Variants in NRXN3 observed in about 807,000 individuals in gnomAD.
NRXN3 encodes the protein neurexin 3, also known as neurexin III.
A neutral mutation model predicts 137.6 loss-of-function variants in NRXN3; 32 were observed. The ratio of observed to expected loss-of-function variants is 0.23; its 90% CI spans 0.18 to 0.31. NRXN3 has a LOEUF of 0.31. NRXN3 is among the 10% of genes least tolerant of loss of function. NRXN3 has a pLI of 1.00. For missense variants in NRXN3, 1,574 were observed against 2,062.5 expected (o/e 0.76, Z 4.59); for synonymous variants, 798 against 784.5 (o/e 1.02, Z -0.29).
intron 15 of NRXN3, among the ~76,000 whole-genome samples, chr14:79,356,712 T>A (rs115864494): frequency 3.9e-4 from 59 of 152,226 alleles, no homozygotes; most frequent in African/African-American, 1.3e-3. Flanking sequence ...AAGCTCCTGC[T>A]GATATGTTCA....
In NRXN3 at chr14:79,865,556, G is replaced by C. The variant is rs538584871; in HGVS notation, c.*3592G>C. The stretch of plus-strand genomic sequence containing the variant: ...ATACTATCGACTATGTTAGGAATGG[G>C]GGGGAGAAAGTCAGGTTCAGTGATG... On this transcript the variant is annotated 3_prime_UTR_variant, in exon 21 of 21. Transcript: ENST00000335750. The C allele has an allele frequency of 7.2e-5, 11 of 152,276 alleles. No individual in the cohort carries two copies. The highest frequency in any genetic ancestry group is 4.1e-4 in the South Asian group (2 of 4,822). 9.4% of individuals were successfully genotyped at this position (152,276 alleles called of 1,614,324 possible).
At chr14:79,533,349 A>G (rs1407728331) in intron 16 of NRXN3, among the ~76,000 whole-genome samples, 2 of 152,086 alleles carry the variant, frequency 1.3e-5, no homozygotes, top group African/African-American at 2.4e-5. Flanking sequence ...TCTCAGCTTG[A>G]TATTTTTGTT....
intron 15 of NRXN3, among the ~76,000 whole-genome samples, chr14:79,127,153 T>C (rs919176417): frequency 3.3e-5 from 5 of 152,172 alleles, no homozygotes; most frequent in South Asian, 2.1e-4. Context: ...GTAGTTTCTT[T>C]TGCTGTGCAG....
intron 4 of NRXN3, among the ~76,000 whole-genome samples, chr14:78,545,219 A>G (rs2096626400): frequency 1.3e-5 from 2 of 152,184 alleles, no homozygotes; most frequent in Non-Finnish European, 2.9e-5. Context: ...CTGTGCTCTG[A>G]GGTCAAAAGG....
At chr14:79,302,155 T>A (rs899738625) in intron 15 of NRXN3, among the ~76,000 whole-genome samples, 4 of 152,066 alleles carry the variant, frequency 2.6e-5, no homozygotes, top group African/African-American at 7.2e-5. Context: ...CAGTTACCAT[T>A]TATTAAGCCC....
At chr14:79,212,139 G>C (rs899866031) in intron 15 of NRXN3, among the ~76,000 whole-genome samples, 1 of 152,120 alleles carries the variant, frequency 6.6e-6, no homozygotes, top group Non-Finnish European at 1.5e-5. Context: ...TGTTACTATT[G>C]TCTCAGCAGC....
intron 16 of NRXN3, among the ~76,000 whole-genome samples, chr14:79,653,965 G>C (rs1422566023): frequency 1.3e-5 from 2 of 152,130 alleles, no homozygotes; most frequent in Non-Finnish European, 2.9e-5. Flanking sequence ...CCCCACTCTG[G>C]GTTTTATACC....
At chr14:79,748,007 A>G (rs1226965598) in intron 19 of NRXN3, among the ~76,000 whole-genome samples, 1 of 152,024 alleles carries the variant, frequency 6.6e-6, no homozygotes, top group Non-Finnish European at 1.5e-5. Flanking sequence ...CTGAACACGT[A>G]GACATGGGGA....
Position 78,243,046 on chromosome 14 carries a change from C to A in NRXN3, c.-48C>A. Reference sequence around the variant, plus strand: ...GCCAAAGGGAGAGATCCTCTCCGGGCTGTTCCCTGGCCTGTCTGCTCCTCC... The same window carrying A: ...GCCAAAGGGAGAGATCCTCTCCGGGATGTTCCCTGGCCTGTCTGCTCCTCC... On this transcript the variant is annotated 5_prime_UTR_variant, in exon 2 of 21. The change creates a new upstream start codon in the 5' untranslated region. Coordinates refer to ENST00000335750, the MANE Select transcript of NRXN3 (RefSeq NM_001330195.2). The surrounding 1 kb of genome is among the most constrained non-coding windows in gnomAD (Gnocchi z 4.2). 1 of 1,355,028 alleles carries A rather than the reference C, an allele frequency of 7.4e-7. No individual in the cohort carries two copies. The highest frequency in any genetic ancestry group is 9.9e-7 in the Non-Finnish European group (1 of 1,015,020). The allele number at this position is 1,355,028 out of a possible 1,614,324, so 83.9% of individuals were successfully genotyped here.
At chr14:78,473,782 C>T (rs778894429) in intron 4 of NRXN3, among the ~76,000 whole-genome samples, 1 of 152,176 alleles carries the variant, frequency 6.6e-6, no homozygotes, top group African/African-American at 2.4e-5. Flanking sequence ...TAAGATGGCT[C>T]ACTCAAATGG....
intron 19 of NRXN3, among the ~76,000 whole-genome samples, chr14:79,804,354 G>A (rs1418660376): frequency 6.6e-6 from 1 of 152,068 alleles, no homozygotes; most frequent in Non-Finnish European, 1.5e-5. Context: ...CTGATACTCA[G>A]TCTCCTATAT....
At chr14:79,777,978 ATCTAGGCTTT>A (rs1223994344) in intron 19 of NRXN3, among the ~76,000 whole-genome samples, 3 of 151,950 alleles carry the variant, frequency 2.0e-5, no homozygotes, top group Admixed American at 2.0e-4. Context: ...CATATCCCAG[ATCTAGGCTTT>A]TCTATGCACT....
chr14:78,671,146 C>T lies in NRXN3; in HGVS notation c.1221+19820C>T, dbSNP rs113197726. On this transcript the variant is annotated intron_variant, in intron 6 of 20. Coordinates refer to ENST00000335750, the MANE Select transcript of NRXN3 (RefSeq NM_001330195.2). ...GAAGAACTAGAGAAAACGTTGTCATCGAAGCTAAGAAAGTAGGAAGTTTCC... is the reference window on the plus strand; with the variant it reads ...GAAGAACTAGAGAAAACGTTGTCATTGAAGCTAAGAAAGTAGGAAGTTTCC... 9.7e-3 allele frequency among the ~76,000 whole-genome samples: 1,477 copies of T among 152,168 alleles called. 13 individuals carry two copies. Among genetic ancestry groups the T allele is most frequent in the African/African-American group, 0.015 (620 of 41,514 alleles).
Position 78,998,323 on chromosome 14 carries a change from G to A in NRXN3, c.3262+10182G>A, listed in dbSNP as rs140371309. ...AGCAGGAGAAGACATAACATGTAAT[G>A]GGCTGTGCTTCAAGCCGCAAATTCT... On this transcript the variant is annotated intron_variant, in intron 15 of 20. Transcript: ENST00000335750. Among the ~76,000 whole-genome samples, 203 of 152,286 alleles carry A rather than the reference G, an allele frequency of 1.3e-3. 1 individual carries two copies. Among genetic ancestry groups the A allele is most frequent in the African/African-American group, 4.5e-3 (188 of 41,550 alleles).
At chr14:79,612,482 G>T (rs1191620448) in intron 16 of NRXN3, among the ~76,000 whole-genome samples, 1 of 152,160 alleles carries the variant, frequency 6.6e-6, no homozygotes, top group Non-Finnish European at 1.5e-5. Context: ...GATGGAAAGT[G>T]GGGGCAAGCT....
intron 8 of NRXN3, among the ~76,000 whole-genome samples, chr14:78,788,650 A>G (rs1341440797): frequency 1.3e-5 from 2 of 152,170 alleles, no homozygotes; most frequent in African/African-American, 4.8e-5. Context: ...CCATTAGGGA[A>G]AGTAAAAGGG....
chr14:79,804,740 C>T (rs982810441), intron 19 of NRXN3, among the ~76,000 whole-genome samples: 9 of 152,168 alleles, frequency 5.9e-5, no homozygotes, highest in African/African-American at 2.2e-4. Context: ...TGTTGCTTTG[C>T]ACTCTTACAT....
chr14:78,220,282 C>A (rs888482228), intron 1 of NRXN3, among the ~76,000 whole-genome samples: 7 of 151,886 alleles, frequency 4.6e-5, no homozygotes, highest in Non-Finnish European at 1.0e-4. Flanking sequence ...CTCCAGGGAC[C>A]CTGACATCTG....
intron 8 of NRXN3, among the ~76,000 whole-genome samples, chr14:78,733,352 C>G (rs4899722): frequency 0.42 from 63,740 of 151,874 alleles, 14,678 homozygotes; most frequent in Middle Eastern, 0.51. Context: ...CATATATTCT[C>G]CCTCTCATGC....
Sources: gnomAD v4.1 joint callset for allele counts (sites outside exome capture counted in the v4.1 genomes callset) on GRCh38, gnomAD v4.1.1 for gene constraint, Gnocchi (gnomAD v3.1) non-coding constraint, MANE v1.5 for transcripts, NCBI Gene and HGNC (gene_info 2026-07-23, HGNC 2026-07-21) for gene names.